The following SLC25A21 variants were observed in gnomAD, a reference collection of about 807,000 sequenced individuals.
SLC25A21 encodes the protein mitochondrial 2-oxodicarboxylate carrier.
In SLC25A21, 47 loss-of-function variants were observed where a neutral mutation model predicts 43.8. That is an observed-to-expected ratio of 1.07 (90% CI 0.85 to 1.37). The LOEUF is 1.37. Ranked by LOEUF, SLC25A21 falls within the 40% of genes most tolerant of loss-of-function variation. SLC25A21 has a pLI of 0.00. For synonymous variants in SLC25A21, 131 were observed against 121.3 expected, an observed-to-expected ratio of 1.08 and a Z score of -0.52; for missense variants, 352 against 350.2, an observed-to-expected ratio of 1.00 and a Z score of -0.04.
intron 2 of SLC25A21, among the ~76,000 whole-genome samples, chr14:36,817,215 G>GA (rs11417899): frequency 0.22 from 32,998 of 150,936 alleles, 3,847 homozygotes; most frequent in Middle Eastern, 0.26. Flanking sequence ...AAAGAAATAT[G>GA]AAAAAAAAAC....
At position 36,874,995 on chromosome 14, in the gene SLC25A21, T is replaced by C. The variant is rs771693907; in HGVS notation, c.80A>G (p.Glu27Gly). 1 of 1,602,630 alleles carries C rather than the reference T, an allele frequency of 6.2e-7. No individual in the cohort carries two copies. Among genetic ancestry groups the C allele is most frequent in the African/African-American group, 1.4e-5 (1 of 72,464 alleles). The change falls in exon 2 of 10, where the codon GAA becomes GGA. Residue 27 changes from glutamate to glycine, a missense_variant. By Grantham distance (98) the Glu-to-Gly change is moderately conservative. Coordinates refer to ENST00000331299, the MANE Select transcript of SLC25A21 (RefSeq NM_030631.4). ...IVAGGSAGLV[E>G]ICLMHPLDVV... ...ATCTAGGGGGTGCATCAGGCAAATT[T>C]CTACAAGACCTGAAAGATGATAAAG... is the stretch of plus-strand genomic sequence containing the variant.
intron 3 of SLC25A21, among the ~76,000 whole-genome samples, chr14:36,798,953 C>T (rs899384340): frequency 3.3e-5 from 5 of 151,230 alleles, no homozygotes; most frequent in Non-Finnish European, 5.9e-5. Context: ...ATTAAACAAA[C>T]GAGATTAAAA....
At chr14:36,948,456 T>C (rs909743285) in intron 1 of SLC25A21, among the ~76,000 whole-genome samples, 2 of 152,152 alleles carry the variant, frequency 1.3e-5, no homozygotes, top group Non-Finnish European at 2.9e-5. Flanking sequence ...TGTTCTGTAG[T>C]AATAAGCAGA....
chr14:37,092,873 A>G (rs1962615507), intron 1 of SLC25A21, among the ~76,000 whole-genome samples: 1 of 152,048 alleles, frequency 6.6e-6, no homozygotes, highest in Non-Finnish European at 1.5e-5. Flanking sequence ...GAATTCTGAT[A>G]TATTTACATG....
chr14:37,112,993 C>T (rs1963045908), intron 1 of SLC25A21, among the ~76,000 whole-genome samples: 2 of 151,986 alleles, frequency 1.3e-5, no homozygotes, highest in South Asian at 4.1e-4. Context: ...TGCAAAGAAA[C>T]GACACTCATT....
intron 1 of SLC25A21, among the ~76,000 whole-genome samples, chr14:37,125,674 T>A (rs1300020145): frequency 6.6e-6 from 1 of 152,214 alleles, no homozygotes; most frequent in Admixed American, 6.5e-5. Context: ...TGGTAGGATA[T>A]CAATTATTTC....
At chr14:36,789,848 T>TTTATATATTTATATAAAAATATA (rs1386849794) in intron 3 of SLC25A21, among the ~76,000 whole-genome samples, 1 of 111,800 alleles carries the variant, frequency 8.9e-6, no homozygotes, top group African/African-American at 3.9e-5. Context: ...TTTAATATAT[T>TTTATATATTTATATAAAAATATA]TTATATATTT....
intron 4 of SLC25A21, among the ~76,000 whole-genome samples, chr14:36,731,971 C>T (rs1300546626): frequency 6.6e-6 from 1 of 152,092 alleles, no homozygotes; most frequent in East Asian, 1.9e-4. Context: ...TCACAGGGCT[C>T]ATTTCATTTG....
intron 1 of SLC25A21, among the ~76,000 whole-genome samples, chr14:37,157,088 G>A (rs745371878): frequency 3.3e-5 from 5 of 152,196 alleles, no homozygotes; most frequent in Non-Finnish European, 5.9e-5. Flanking sequence ...CCAGCACGGT[G>A]GCTCATGCTT....
chr14:36,717,771 G>A (rs1449454711), intron 6 of SLC25A21, among the ~76,000 whole-genome samples: 1 of 152,212 alleles, frequency 6.6e-6, no homozygotes, highest in Non-Finnish European at 1.5e-5. Context: ...ACTAGAAAGA[G>A]ACATCTATGT....
rs547407420 is a variant in SLC25A21 at position 36,725,099 on chromosome 14, C to T, written c.438+471G>A. ...GCAGGAGATACTTGATTTTTTCTTACGCTATTTCCTTAACAGTGATTTGCT... is the reference window on the plus strand; with the variant it reads ...GCAGGAGATACTTGATTTTTTCTTATGCTATTTCCTTAACAGTGATTTGCT... On this transcript the variant is annotated intron_variant, in intron 6 of 9. Coordinates refer to ENST00000331299, the MANE Select transcript of SLC25A21 (RefSeq NM_030631.4). 8 of 152,290 alleles carry T rather than the reference C, an allele frequency of 5.3e-5. No individual in the cohort carries two copies. In the South Asian group the frequency reaches 6.2e-4, roughly 12 times the overall value. The allele number at this position is 152,290 out of a possible 1,614,324, so 9.4% of individuals were successfully genotyped here. A position where few individuals can be genotyped will look rare whatever the true frequency, so the allele number is the denominator to read the frequency against.
chr14:36,704,379 C>T (rs1241435237), intron 7 of SLC25A21, among the ~76,000 whole-genome samples: 4 of 152,126 alleles, frequency 2.6e-5, no homozygotes, highest in African/African-American at 9.7e-5. Context: ...CAAGGTAAGA[C>T]TGGGTGCGGT....
At chr14:36,933,491 T>G (rs1019803862) in intron 1 of SLC25A21, among the ~76,000 whole-genome samples, 5 of 152,116 alleles carry the variant, frequency 3.3e-5, no homozygotes, top group Non-Finnish European at 7.4e-5. Context: ...AATTTATTCG[T>G]TTGTTATCAA....
chr14:36,996,902 A>G (rs924040162), intron 1 of SLC25A21, among the ~76,000 whole-genome samples: 1 of 152,154 alleles, frequency 6.6e-6, no homozygotes, highest in African/African-American at 2.4e-5. Context: ...ATTCAAAAGA[A>G]AGAAGAAAGA....
chr14:37,043,343 T>G (rs904210501), intron 1 of SLC25A21, among the ~76,000 whole-genome samples: 2 of 152,200 alleles, frequency 1.3e-5, no homozygotes, highest in Non-Finnish European at 2.9e-5. Flanking sequence ...CTCCCCAGAA[T>G]AAGGCCAAAC....
chr14:36,680,248 C>CTT lies in SLC25A21; in HGVS notation c.*408_*409dup. 1.1e-6 allele frequency: 1 copy of CTT among 944,510 alleles called. No individual in the cohort carries two copies. The highest frequency in any genetic ancestry group is 1.3e-6 in the Non-Finnish European group (1 of 793,168). The allele number at this position is 944,510 out of a possible 1,614,324, so 58.5% of individuals were successfully genotyped here. Reference sequence around the variant, plus strand: ...TGGCTTAACTTTTTTTTAATCCAGTCTTTGAATAATTTGATTTATTTTCAA... The same window carrying CTT: ...TGGCTTAACTTTTTTTTAATCCAGTCTTTTTGAATAATTTGATTTATTTTCAA... On this transcript the variant is annotated 3_prime_UTR_variant, in exon 10 of 10. Coordinates refer to ENST00000331299, the MANE Select transcript of SLC25A21 (RefSeq NM_030631.4).
chr14:36,779,380 C>T (rs1886954954), intron 3 of SLC25A21, among the ~76,000 whole-genome samples: 1 of 143,278 alleles, frequency 7.0e-6, no homozygotes, highest in African/African-American at 2.5e-5. Flanking sequence ...TCTATATATA[C>T]ACACACATAT....
rs3061860 is a variant in SLC25A21, at chr14:37,147,634, G to GTTT, written c.70+24644_70+24646dup. 1.8e-3 allele frequency among the ~76,000 whole-genome samples: 224 copies of GTTT among 125,512 alleles called. 1 individual carries two copies. The highest frequency in any genetic ancestry group is 2.6e-3 in the African/African-American group (78 of 30,054). The allele number at this position is 125,512 out of a possible 152,430, so 82.3% of individuals were successfully genotyped here. On this transcript the variant is annotated intron_variant, in intron 1 of 9. Coordinates refer to ENST00000331299, the MANE Select transcript of SLC25A21 (RefSeq NM_030631.4). ...TACTGGTATTTCACACTTATTTCAG[G>GTTT]TTTTTTTTTTTTTTTAAAAAAAAGG...
chr14:37,149,298 T>TA (rs1963718870), intron 1 of SLC25A21, among the ~76,000 whole-genome samples: 1 of 152,196 alleles, frequency 6.6e-6, no homozygotes, highest in Non-Finnish European at 1.5e-5. Context: ...GAAAATCTAC[T>TA]GTCACTTTCT....
Sources: allele counts gnomAD v4.1 joint callset (sites outside exome capture counted in the v4.1 genomes callset), GRCh38; gene constraint gnomAD v4.1.1; transcripts MANE v1.5; gene names NCBI Gene and HGNC (gene_info 2026-07-23, HGNC 2026-07-21).